Variants in STAG1 observed in about 807,000 individuals in gnomAD.
STAG1 encodes the protein STAG1 cohesin complex component.
In STAG1, 26 loss-of-function variants were observed where a neutral mutation model predicts 170.9. That is an observed-to-expected ratio of 0.15 (90% CI 0.11 to 0.21). The LOEUF (loss-of-function observed/expected upper bound fraction) is 0.21, where lower values mean the gene tolerates loss of function less well. STAG1 is among the 10% of genes least tolerant of loss of function. The pLI, the probability that STAG1 is intolerant of heterozygous loss-of-function variation, is 1.00. For synonymous variants in STAG1, 514 were observed against 497.7 expected, an observed-to-expected ratio of 1.03 and a Z score of -0.44; for missense variants, 964 against 1,509.5, an observed-to-expected ratio of 0.64 and a Z score of 5.99.
At chr3:136,652,098 T>A (rs900682199) in intron 1 of STAG1, among the ~76,000 whole-genome samples, 2 of 152,080 alleles carry the variant, frequency 1.3e-5, no homozygotes, top group African/African-American at 4.8e-5. Flanking sequence ...CAATAAAAGA[T>A]TTCACAAAGG....
rs1197756571 is a variant in STAG1 at position 136,422,837 on chromosome 3, C to G, written c.1764G>C (p.Lys588Asn). The change falls in exon 18 of 34, where the codon AAG becomes AAC. Residue 588 changes from lysine (K) to asparagine (N), a missense_variant. Physicochemically the swap from Lys to Asn is moderately conservative, Grantham distance 94. Around this residue, in one of 11 missense-constraint regions of STAG1, gnomAD observed 232 missense variants for 313.0 expected, o/e 0.74. Transcript: ENST00000383202. ...LLSKYSADAE[K>N]VANLLQIPQY... is the part of the protein sequence containing the mutation. ...GTGGGATTTGTAGCAAGTTTGCTAC[C>G]TTCTCTGCATCTGCAGAATACTAGA... The G allele has an allele frequency of 6.2e-7, 1 of 1,609,686 alleles. No individual in the cohort carries two copies. Among genetic ancestry groups the G allele is most frequent in the Non-Finnish European group, 8.5e-7 (1 of 1,178,910 alleles).
intron 1 of STAG1, among the ~76,000 whole-genome samples, chr3:136,738,940 T>TA (rs914125736): frequency 2.6e-5 from 4 of 151,346 alleles, no homozygotes; most frequent in South Asian, 2.1e-4. Context: ...TTTCTAAAAA[T>TA]AAAAAAAAGA....
chr3:136,470,691 T>G (rs897047932), intron 12 of STAG1, among the ~76,000 whole-genome samples: 2 of 152,174 alleles, frequency 1.3e-5, no homozygotes, highest in Non-Finnish European at 2.9e-5. Context: ...ATACATATGT[T>G]TATTGCGGCA....
chr3:136,447,984 C>G (rs1027803470), intron 14 of STAG1, among the ~76,000 whole-genome samples: 9 of 152,120 alleles, frequency 5.9e-5, no homozygotes, highest in African/African-American at 2.2e-4. Context: ...TTATCACATT[C>G]AAGTACGACT....
At chr3:136,678,322 GA>G (rs1942207888) in intron 1 of STAG1, among the ~76,000 whole-genome samples, 2 of 150,912 alleles carry the variant, frequency 1.3e-5, no homozygotes. Flanking sequence ...TATTGATATA[GA>G]AACACATCAA....
intron 6 of STAG1, among the ~76,000 whole-genome samples, chr3:136,540,849 A>AAAAAAC (rs1935860804): frequency 6.9e-6 from 1 of 145,834 alleles, no homozygotes; most frequent in Admixed American, 6.8e-5. Context: ...AAAAAAAAAA[A>AAAAAAC]AAACCTATAT....
chr3:136,443,517 T>C, intron 14 of STAG1, 113 bp from the exon 15 acceptor site: 2 of 719,780 alleles, frequency 2.8e-6, no homozygotes, highest in East Asian at 2.7e-5. Flanking sequence ...GTTTCCATGA[T>C]TCTAAAAACC....
At chr3:136,596,682 T>C (rs941731959) in intron 4 of STAG1, among the ~76,000 whole-genome samples, 6 of 152,260 alleles carry the variant, frequency 3.9e-5, no homozygotes, top group Non-Finnish European at 7.3e-5. Flanking sequence ...TCATGTGTTA[T>C]GCATCATTCT....
chr3:136,632,735 A>G (rs1399214198), intron 1 of STAG1, among the ~76,000 whole-genome samples: 3 of 152,180 alleles, frequency 2.0e-5, no homozygotes, highest in Admixed American at 6.5e-5. Flanking sequence ...AAGCATGGTC[A>G]GAGGAGGCCT....
At chr3:136,340,385 G>A in intron 32 of STAG1, 106 bp downstream of exon 32, 1 of 703,296 alleles carries the variant, frequency 1.4e-6, no homozygotes, top group East Asian at 2.9e-5. Context: ...GCCTCCCAAA[G>A]TGCTGGGATT....
chr3:136,465,089 A>C, intron 12 of STAG1, 101 bp from the exon 13 acceptor site: 1 of 721,886 alleles, frequency 1.4e-6, no homozygotes, highest in African/African-American at 1.8e-5. Flanking sequence ...CTCAAGACTT[A>C]ATAATTGTTG....
intron 5 of STAG1, among the ~76,000 whole-genome samples, chr3:136,564,963 G>GAGGAAGGAAGGA (rs546552313): frequency 0.079 from 2,983 of 37,582 alleles, 548 homozygotes; most frequent in Admixed American, 0.11. Flanking sequence ...ACATGTGTAT[G>GAGGAAGGAAGGA]AGGAAGGAAG....
chr3:136,426,404 C>T (rs1384875352), intron 16 of STAG1, among the ~76,000 whole-genome samples: 4 of 151,890 alleles, frequency 2.6e-5, no homozygotes, highest in South Asian at 2.1e-4. Flanking sequence ...AGCGAGACTC[C>T]GTCTCAAAAA....
At chr3:136,642,112 C>G (rs1940824555) in intron 1 of STAG1, among the ~76,000 whole-genome samples, 1 of 152,034 alleles carries the variant, frequency 6.6e-6, no homozygotes, top group Admixed American at 6.6e-5. Flanking sequence ...TGTAAGTTCC[C>G]CCTCCCTACT....
intron 29 of STAG1, among the ~76,000 whole-genome samples, chr3:136,348,525 C>T (rs1560049252): frequency 2.0e-5 from 3 of 152,094 alleles, no homozygotes; most frequent in Admixed American, 6.6e-5. Flanking sequence ...TCTCCCACCT[C>T]GGCTTCCCAA....
chr3:136,410,313 T>A (rs1237282488), intron 21 of STAG1, among the ~76,000 whole-genome samples: 2 of 151,800 alleles, frequency 1.3e-5, no homozygotes, highest in East Asian at 3.9e-4. Flanking sequence ...GGCAGGAGAA[T>A]TGCCTGAACC....
At chr3:136,465,654 A>C (rs1449259232) in intron 12 of STAG1, among the ~76,000 whole-genome samples, 1 of 151,746 alleles carries the variant, frequency 6.6e-6, no homozygotes, top group Non-Finnish European at 1.5e-5. Flanking sequence ...TAAAACCAAC[A>C]AAATCAACAA....
chr3:136,494,293 C>A, intron 9 of STAG1, among the ~76,000 whole-genome samples: 1 of 151,878 alleles, frequency 6.6e-6, no homozygotes, highest in East Asian at 1.9e-4. Context: ...TAATAAAAAA[C>A]AAAACAAAAC....
intron 6 of STAG1, among the ~76,000 whole-genome samples, chr3:136,540,868 T>G (rs1395828293): frequency 7.3e-6 from 1 of 137,094 alleles, no homozygotes; most frequent in East Asian, 2.0e-4. Flanking sequence ...ATATTTATTT[T>G]CCTGAATTTC....
Sources: gnomAD v4.1 joint callset for allele counts (sites outside exome capture counted in the v4.1 genomes callset) on GRCh38, gnomAD v4.1.1 for gene constraint, gnomAD v4.1.1 regional missense constraint, MANE v1.5 for transcripts, NCBI Gene and HGNC (gene_info 2026-07-23, HGNC 2026-07-21) for gene names.